The following PLEKHA7 variants were observed in gnomAD, a reference collection of about 807,000 sequenced individuals.
PLEKHA7 encodes the protein pleckstrin homology domain-containing family A member 7.
PLEKHA7 carries 104 observed loss-of-function variants against 170.0 expected under a neutral mutation model. That is an observed-to-expected ratio of 0.61 (90% CI 0.52 to 0.72). The LOEUF is 0.72. Among genes scored for constraint, PLEKHA7 ranks in the 30% least tolerant of loss-of-function variants. The probability of loss-of-function intolerance (pLI) is 0.00; values close to 1 mark genes in which losing one functional copy is unlikely to be tolerated. For synonymous variants in PLEKHA7, 648 were observed against 660.8 expected (o/e 0.98, Z 0.30); for missense variants, 1,615 against 1,671.7 (o/e 0.97, Z 0.59).
chr11:16,930,778 C>A (rs555948966), intron 3 of PLEKHA7, among the ~76,000 whole-genome samples: 3 of 152,242 alleles, frequency 2.0e-5, no homozygotes, highest in Admixed American at 2.0e-4. Context: ...TTGATCATTC[C>A]AGAATTGCTT....
intron 9 of PLEKHA7, among the ~76,000 whole-genome samples, chr11:16,834,064 G>A (rs1462156974): frequency 2.0e-5 from 3 of 152,150 alleles, no homozygotes; most frequent in Non-Finnish European, 4.4e-5. Context: ...AGGCTGGAGT[G>A]CAGTGGCGCG....
At chr11:16,831,230 C>T (rs902938461) in intron 9 of PLEKHA7, among the ~76,000 whole-genome samples, 4 of 152,160 alleles carry the variant, frequency 2.6e-5, no homozygotes, top group East Asian at 1.9e-4. Flanking sequence ...TCCCTACTCC[C>T]CCACCTTACC....
chr11:16,984,012 C>A (rs560743738), intron 3 of PLEKHA7, among the ~76,000 whole-genome samples: 163 of 151,978 alleles, frequency 1.1e-3, no homozygotes, highest in Non-Finnish European at 1.9e-3. Context: ...CCCAGGAGGT[C>A]GAGGCTGCAG....
In PLEKHA7 at chr11:16,966,290, A is replaced by ATGTGTG. The variant is rs112176840; in HGVS notation, c.221+47693_221+47698dup. ...GGACTGGAGGCATGGTTGTGCATGT[A>ATGTGTG]TGTGTGTGTGTGTGTGTGTGTGTGT... is the stretch of plus-strand genomic sequence containing the variant. On this transcript the variant is annotated intron_variant, in intron 3 of 26. Coordinates refer to ENST00000531066, the MANE Select transcript of PLEKHA7 (RefSeq NM_001329630.2). Among the ~76,000 whole-genome samples, 445 of 149,104 alleles carry ATGTGTG rather than the reference A, an allele frequency of 3.0e-3. 3 individuals are homozygous for ATGTGTG. The highest frequency in any genetic ancestry group is 0.011 in the African/African-American group (423 of 39,706).
chr11:16,930,120 A>T (rs1327301383), intron 3 of PLEKHA7, among the ~76,000 whole-genome samples: 1 of 152,234 alleles, frequency 6.6e-6, no homozygotes, highest in Non-Finnish European at 1.5e-5. Context: ...TTTGCTTCAC[A>T]TTTTGAGCTT....
chr11:16,785,034 C>A (rs1442507041), intron 24 of PLEKHA7, among the ~76,000 whole-genome samples: 1 of 152,216 alleles, frequency 6.6e-6, no homozygotes, highest in Non-Finnish European at 1.5e-5. Context: ...AGGGGACCAG[C>A]CTTGTTAACT....
chr11:16,923,182 C>A (rs1219331447), intron 3 of PLEKHA7, among the ~76,000 whole-genome samples: 1 of 152,204 alleles, frequency 6.6e-6, no homozygotes, highest in Non-Finnish European at 1.5e-5. Flanking sequence ...CTTGGCTGGG[C>A]CATTATCCAC....
At chr11:16,961,281 C>T (rs764672541) in intron 3 of PLEKHA7, among the ~76,000 whole-genome samples, 28 of 152,320 alleles carry the variant, frequency 1.8e-4, no homozygotes, top group African/African-American at 4.1e-4. Flanking sequence ...AGAATCTTGG[C>T]GACTCAGCCA....
At chr11:16,858,789 A>G (rs391332) in intron 4 of PLEKHA7, among the ~76,000 whole-genome samples, 17,999 of 152,106 alleles carry the variant, frequency 0.12, 1,144 homozygotes, top group East Asian at 0.16. Context: ...ACCGCGCCCA[A>G]CCTAAAAAAA....
Position 16,852,000 on chromosome 11 carries a change from C to T in PLEKHA7, c.595+283G>A, listed in dbSNP as rs113049284. On this transcript the variant is annotated intron_variant, in intron 7 of 26. Coordinates refer to ENST00000531066, the MANE Select transcript of PLEKHA7 (RefSeq NM_001329630.2). ...CCAATTCAATTCACCAGTTGCTCATCCAACATTCAATAAATCCAGATGACA... is the reference window on the plus strand; with the variant it reads ...CCAATTCAATTCACCAGTTGCTCATTCAACATTCAATAAATCCAGATGACA... 4.1e-3 allele frequency among the ~76,000 whole-genome samples: 631 copies of T among 152,336 alleles called. 7 individuals are homozygous for T. Among genetic ancestry groups the T allele is most frequent in the African/African-American group, 0.015 (605 of 41,570 alleles).
At chr11:16,915,574 CATT>C (rs559595824) in intron 3 of PLEKHA7, among the ~76,000 whole-genome samples, 8 of 143,482 alleles carry the variant, frequency 5.6e-5, no homozygotes, top group African/African-American at 2.1e-4. Context: ...CATGTGCTCT[CATT>C]GTTCAATTCC....
chr11:16,999,765 G>A (rs559547622), intron 3 of PLEKHA7, among the ~76,000 whole-genome samples: 3 of 152,278 alleles, frequency 2.0e-5, no homozygotes, highest in African/African-American at 7.2e-5. Flanking sequence ...TAACACTAGG[G>A]AGAAAAATAT....
chr11:16,911,644 G>A (rs950179787), intron 3 of PLEKHA7, among the ~76,000 whole-genome samples: 3 of 151,772 alleles, frequency 2.0e-5, no homozygotes, highest in African/African-American at 2.4e-5. Flanking sequence ...GTGAGGTCTC[G>A]GGGATAACAG....
At chr11:16,897,078 G>C (rs1382523319) in intron 3 of PLEKHA7, among the ~76,000 whole-genome samples, 1 of 152,116 alleles carries the variant, frequency 6.6e-6, no homozygotes, top group African/African-American at 2.4e-5. Flanking sequence ...ATAACGCCCT[G>C]ACAGTTGCCA....
chr11:16,815,010 A>C (rs1006267807), intron 12 of PLEKHA7, among the ~76,000 whole-genome samples: 1 of 152,240 alleles, frequency 6.6e-6, no homozygotes, highest in Non-Finnish European at 1.5e-5. Context: ...GGGTAGGCTC[A>C]GCTTCCACCA....
chr11:16,828,203 T>A (rs892221668), intron 9 of PLEKHA7, among the ~76,000 whole-genome samples: 2 of 151,990 alleles, frequency 1.3e-5, no homozygotes, highest in African/African-American at 4.8e-5. Context: ...TCCCCATGTG[T>A]CGTGGGAAGG....
Position 16,816,200 on chromosome 11 carries a change from G to A in PLEKHA7, c.1931C>T (p.Ala644Val). Residue 644 changes from alanine to valine, a missense_variant, in exon 12 of 27, where the codon GCT (alanine) becomes GTT (valine). By Grantham distance (64) the Ala-to-Val change is moderately conservative. Coordinates refer to ENST00000531066, the MANE Select transcript of PLEKHA7 (RefSeq NM_001329630.2). ...TACCGATTTTCCATGTAAACTGGGA[G>A]CGCTGACGGTGTGGGTCATGTAACC... ...SMGYMTHTVS[A>V]PSLHGKSADD... 6.2e-7 allele frequency: 1 copy of A among 1,613,682 alleles called. No individual in the cohort carries two copies. Among genetic ancestry groups the A allele is most frequent in the South Asian group, 1.1e-5 (1 of 91,064 alleles).
intron 3 of PLEKHA7, among the ~76,000 whole-genome samples, chr11:17,000,458 T>C (rs1442415381): frequency 6.6e-6 from 1 of 152,162 alleles, no homozygotes; most frequent in Non-Finnish European, 1.5e-5. Flanking sequence ...TGAGAAATAG[T>C]TTCTTTGACA....
Position 16,791,809 on chromosome 11 carries a change from G to C in PLEKHA7, c.2746-610C>G, listed in dbSNP as rs1847876658. 2.5e-6 allele frequency: 1 copy of C among 396,312 alleles called. No homozygotes were observed. The highest frequency in any genetic ancestry group is 2.1e-5 in the African/African-American group (1 of 48,524). The allele number at this position is 396,312 out of a possible 1,614,324, so 24.5% of individuals were successfully genotyped here. On this transcript the variant is annotated intron_variant, in intron 19 of 26. Transcript: ENST00000531066. The surrounding 1 kb of genome is among the most constrained non-coding windows in gnomAD (Gnocchi z 4.5). ...TGAGTGACTCACTGCCTACCATGCA[G>C]TTCATTCCCTAGAATGTGATGAATG...
Sources: gnomAD v4.1 joint callset for allele counts (sites outside exome capture counted in the v4.1 genomes callset) on GRCh38, gnomAD v4.1.1 for gene constraint, Gnocchi (gnomAD v3.1) non-coding constraint, MANE v1.5 for transcripts, NCBI Gene and HGNC (gene_info 2026-07-23, HGNC 2026-07-21) for gene names.